Variants in ATAD3A observed in about 807,000 individuals in gnomAD.
ATAD3A encodes ATPase family AAA domain-containing protein 3A.
In ATAD3A, 46 loss-of-function variants were observed where a neutral mutation model predicts 73.8. The observed-to-expected ratio is 0.62, with a 90% CI of 0.49 to 0.80. The LOEUF (loss-of-function observed/expected upper bound fraction) is 0.80. Among genes scored for constraint, ATAD3A ranks in the 30% least tolerant of loss-of-function variants. ATAD3A has a pLI of 0.00. For missense variants in ATAD3A, 705 were observed against 838.0 expected (o/e 0.84, Z 1.96); for synonymous variants, 319 against 350.0 (o/e 0.91, Z 0.99).
chr1:1,520,545 C>G lies in ATAD3A; in HGVS notation c.681-3C>G, dbSNP rs1289666297. The G allele has an allele frequency of 1.2e-6, 2 of 1,614,068 alleles. No homozygotes were observed. Among genetic ancestry groups the G allele is most frequent in the Non-Finnish European group, 1.7e-6 (2 of 1,179,892 alleles). On this transcript the variant is annotated splice_region_variant and splice_polypyrimidine_tract_variant and intron_variant, in intron 6 of 15. Coordinates refer to ENST00000378756, the MANE Select transcript of ATAD3A (RefSeq NM_001170535.3). The surrounding 1 kb of genome is among the most constrained non-coding windows in gnomAD (Gnocchi z 4.0). ...CCTGGTCACACCACTGCTTTCCCCG[C>G]AGGACGGCTGGCACCTTGTTTGGGG...
Position 1,518,908 on chromosome 1 carries a change from G to C in ATAD3A, c.445-13G>C. On this transcript the variant is annotated splice_polypyrimidine_tract_variant and intron_variant, in intron 4 of 15. Transcript: ENST00000378756. ...TTTAAAGGCTTTTCTCTTTTTCTGC[G>C]GCTTCTTCTCAGCAACTTCTCAATG... 1 of 1,614,062 alleles carries C rather than the reference G, an allele frequency of 6.2e-7. No homozygotes were observed. The highest frequency in any genetic ancestry group is 1.7e-5 in the Admixed American group (1 of 60,016).
intron 7 of ATAD3A, among the ~76,000 whole-genome samples, chr1:1,521,775 C>A (rs530204238): frequency 1.3e-5 from 2 of 152,360 alleles, no homozygotes; most frequent in South Asian, 4.1e-4. Flanking sequence ...TCTCGGCTCA[C>A]TGCAACCTCC....
At position 1,522,511 on chromosome 1, in the gene ATAD3A, G is replaced by A. The variant is rs182133852; in HGVS notation, c.751-233G>A. ...ACCGAGGCTTTCTAGGATTTATGCT[G>A]CCAGTTGCAGAGAAAATGGCCCTGA... On this transcript the variant is annotated intron_variant, in intron 7 of 15. Transcript: ENST00000378756. Among the ~76,000 whole-genome samples the A allele has an allele frequency of 2.0e-3, 300 of 152,338 alleles. 2 individuals are homozygous for A. Among genetic ancestry groups the A allele is most frequent in the African/African-American group, 6.6e-3 (274 of 41,570 alleles).
intron 1 of ATAD3A, 140 bp downstream of exon 1, chr1:1,512,613 G>A: frequency 1.4e-6 from 2 of 1,409,398 alleles, no homozygotes; most frequent in Non-Finnish European, 1.9e-6. Flanking sequence ...CCCCCGGCCG[G>A]AGCCGTGTCG....
At chr1:1,524,583 C>T (rs1337284460) in intron 11 of ATAD3A, among the ~76,000 whole-genome samples, 186 bp downstream of exon 11, 23 of 128,948 alleles carry the variant, frequency 1.8e-4, no homozygotes, top group Admixed American at 3.8e-4. Context: ...CTGGTGGACA[C>T]GAGGCCCCCA....
chr1:1,528,786 C>T (rs966929538), intron 14 of ATAD3A, among the ~76,000 whole-genome samples: 1 of 152,254 alleles, frequency 6.6e-6, no homozygotes, highest in Non-Finnish European at 1.5e-5. Context: ...GCCGCCTGCT[C>T]CATGCCAGCC....
At position 1,520,684 on chromosome 1, in the gene ATAD3A, C is replaced by T. The variant is rs1258595597; in HGVS notation, c.750+67C>T. The T allele has an allele frequency of 3.8e-5, 61 of 1,611,990 alleles. No homozygotes were observed. Among genetic ancestry groups the T allele is most frequent in the Non-Finnish European group, 5.1e-5 (60 of 1,179,070 alleles). ...GCAGCATGTGGGGGCCTCCTGGAGC[C>T]CCAGGTCCTGTCCCTGCCGGCTCTG... On this transcript the variant is annotated intron_variant, in intron 7 of 15. Transcript: ENST00000378756. The surrounding 1 kb of genome is among the most constrained non-coding windows in gnomAD (Gnocchi z 4.0).
At position 1,524,250 on chromosome 1, in the gene ATAD3A, C is replaced by G. The variant is rs375004509; in HGVS notation, c.1090-23C>G. 16 of 1,613,790 alleles carry G rather than the reference C, an allele frequency of 9.9e-6. No homozygotes were observed. The African/African-American group carries it at 1.3e-4, about 13-fold the overall frequency. Reference sequence around the variant, plus strand: ...GAGGCGGAGGGAACATCTGCTCTGTCTCCCCTCACTCTTCCTGTCCAGAAA... The same window carrying G: ...GAGGCGGAGGGAACATCTGCTCTGTGTCCCCTCACTCTTCCTGTCCAGAAA... On this transcript the variant is annotated intron_variant, in intron 10 of 15. Coordinates refer to ENST00000378756, the MANE Select transcript of ATAD3A (RefSeq NM_001170535.3).
chr1:1,523,589 CG>C lies in ATAD3A; in HGVS notation c.963+26del, dbSNP rs1557469101. On this transcript the variant is annotated intron_variant, in intron 9 of 15. Transcript: ENST00000378756. This position sits in a 1 kb window ranked among gnomAD's most constrained non-coding sequence, Gnocchi z 5.1. Reference sequence around the variant, plus strand: ...CAGTGTAAGTCGGTGTGCCTGGGACCGGGGAGGCGCAGGGAGGGGACCCTGG... The same window carrying C: ...CAGTGTAAGTCGGTGTGCCTGGGACCGGGAGGCGCAGGGAGGGGACCCTGG... 6.2e-7 allele frequency: 1 copy of C among 1,612,498 alleles called. No homozygotes were observed. The highest frequency in any genetic ancestry group is 1.9e-4 in the Middle Eastern group (1 of 5,176).
chr1:1,529,053 C>T (rs918566674), intron 14 of ATAD3A, among the ~76,000 whole-genome samples, 170 bp from the exon 15 acceptor site: 16 of 152,370 alleles, frequency 1.1e-4, no homozygotes, highest in African/African-American at 2.6e-4. Flanking sequence ...CTGCTCAGTC[C>T]GGGCCTGGCC....
chr1:1,530,935 C>T (rs1259861851), intron 15 of ATAD3A, among the ~76,000 whole-genome samples: 1 of 150,414 alleles, frequency 6.6e-6, no homozygotes, highest in East Asian at 2.0e-4. Context: ...GAATATCATA[C>T]ACCTGAGGTC....
intron 15 of ATAD3A, among the ~76,000 whole-genome samples, chr1:1,530,331 T>C (rs9439444): frequency 0.36 from 54,017 of 152,066 alleles, 14,989 homozygotes; most frequent in African/African-American, 0.76. Flanking sequence ...GCCAGGGGTT[T>C]AGGACCAGCC....
At position 1,524,907 on chromosome 1, in the gene ATAD3A, T is replaced by C. The variant is rs577066600; in HGVS notation, c.1215-333T>C. ...TGGTTGGCACCCTCCCCTCTGGCCT[T>C]TGACCTTTCACTTTAGAAGACCTGT... is the stretch of plus-strand genomic sequence containing the variant. On this transcript the variant is annotated intron_variant, in intron 11 of 15. Transcript: ENST00000378756. Among the ~76,000 whole-genome samples the C allele has an allele frequency of 4.7e-3, 720 of 152,012 alleles. 2 individuals carry two copies. The highest frequency in any genetic ancestry group is 8.5e-3 in the Non-Finnish European group (580 of 67,958).
chr1:1,512,484 C>T lies in ATAD3A; in HGVS notation c.205+11C>T. 1 of 865,904 alleles carries T rather than the reference C, an allele frequency of 1.2e-6. No homozygotes were observed. 53.6% of individuals were successfully genotyped at this position (865,904 alleles called of 1,614,324 possible). A position where few individuals can be genotyped will look rare whatever the true frequency, so the allele number is the denominator to read the frequency against. On this transcript the variant is annotated intron_variant, in intron 1 of 15. Coordinates refer to ENST00000378756, the MANE Select transcript of ATAD3A (RefSeq NM_001170535.3). The stretch of plus-strand genomic sequence containing the variant: ...AGCTGGAGCACTCGCGTGAGTGCGG[C>T]GGGGCGGGGCGGCGCGGGCGGGCGG...
chr1:1,518,002 G>T (rs1168524472), intron 4 of ATAD3A, among the ~76,000 whole-genome samples: 1 of 151,790 alleles, frequency 6.6e-6, no homozygotes, highest in Non-Finnish European at 1.5e-5. Flanking sequence ...TACCCACACG[G>T]ACACACACTC....
chr1:1,523,771 G>C lies in ATAD3A; in HGVS notation c.964-68G>C. On this transcript the variant is annotated intron_variant, in intron 9 of 15. Transcript: ENST00000378756. The surrounding 1 kb of genome is among the most constrained non-coding windows in gnomAD (Gnocchi z 5.1). Reference sequence around the variant, plus strand: ...GCCGAGTCTGCACCCAGGCATTCCCGCAGCCCCTTCCCCTGAGGCTTCCAT... The same window carrying C: ...GCCGAGTCTGCACCCAGGCATTCCCCCAGCCCCTTCCCCTGAGGCTTCCAT... The C allele has an allele frequency of 1.2e-6, 2 of 1,608,254 alleles. No homozygotes were observed. Among genetic ancestry groups the C allele is most frequent in the Non-Finnish European group, 1.7e-6 (2 of 1,176,792 alleles).
chr1:1,526,510 G>C lies in ATAD3A; in HGVS notation c.1316G>C (p.Arg439Pro). Residue 439 changes from arginine (R) to proline (P), a missense_variant, in exon 13 of 16, where the codon CGC (arginine) becomes CCC (proline). By Grantham distance (103) the Arg-to-Pro change is moderately radical (BLOSUM62 -2). Transcript: ENST00000378756. ...LRATLNAFLY[R>P]TGQHSNKFML... ...GCCACACTGAACGCCTTCCTGTACC[G>C]CACGGGCCAGCACAGCAACAAGTGA... The C allele has an allele frequency of 3.1e-6, 5 of 1,612,364 alleles. No homozygotes were observed. The highest frequency in any genetic ancestry group is 3.4e-6 in the Non-Finnish European group (4 of 1,179,598).
At chr1:1,512,550 C>T in intron 1 of ATAD3A, 77 bp downstream of exon 1, 1 of 1,386,380 alleles carries the variant, frequency 7.2e-7, no homozygotes, top group Non-Finnish European at 9.5e-7. Context: ...GCCCTTGCCG[C>T]TCCTCGCCGC....
At position 1,534,200 on chromosome 1, in the gene ATAD3A, C is replaced by T; in HGVS notation, c.*128C>T. The T allele has an allele frequency of 1.3e-6, 2 of 1,544,686 alleles. No individual in the cohort carries two copies. The highest frequency in any genetic ancestry group is 1.7e-6 in the Non-Finnish European group (2 of 1,145,426). ...GGGCTGTGCCCAGGGCCTCTGTCCC[C>T]CAGGATGTCTTGTGGTGCGGGTCGG... On this transcript the variant is annotated 3_prime_UTR_variant, in exon 16 of 16. Coordinates refer to ENST00000378756, the MANE Select transcript of ATAD3A (RefSeq NM_001170535.3).
Sources: gnomAD v4.1 joint callset for allele counts (sites outside exome capture counted in the v4.1 genomes callset) on GRCh38, gnomAD v4.1.1 for gene constraint, Gnocchi (gnomAD v3.1) non-coding constraint, MANE v1.5 for transcripts, NCBI Gene and HGNC (gene_info 2026-07-23, HGNC 2026-07-21) for gene names.